The following MATCAP2 variants were observed in gnomAD, a reference collection of about 807,000 sequenced individuals.
The protein encoded by MATCAP2 is putative tyrosine carboxypeptidase MATCAP2.
the MATCAP2 span, chr7:36,334,105 C>A: frequency 1.2e-6 from 2 of 1,614,098 alleles, no homozygotes; most frequent in Non-Finnish European, 1.7e-6. Flanking sequence ...TTTTTACGTC[C>A]AGTCCAACTG....
At chr7:36,384,503 G>T in the MATCAP2 span, among the ~76,000 whole-genome samples, 1 of 152,182 alleles carries the variant, frequency 6.6e-6, no homozygotes, top group East Asian at 1.9e-4. Flanking sequence ...GTGCCAGAAG[G>T]TGCTGGGTTA....
At chr7:36,360,205 C>T in the MATCAP2 span, among the ~76,000 whole-genome samples, 11 of 152,102 alleles carry the variant, frequency 7.2e-5, no homozygotes, top group African/African-American at 2.4e-4. Flanking sequence ...AGTAGCTTTA[C>T]GACCAAAGAA....
the MATCAP2 span, chr7:36,366,846 C>T: frequency 1.3e-6 from 2 of 1,508,564 alleles, no homozygotes; most frequent in Non-Finnish European, 8.8e-7. Flanking sequence ...CTACCATTAC[C>T]TGAGCCCCGG....
the MATCAP2 span, chr7:36,324,610 A>G: frequency 6.6e-6 from 1 of 152,214 alleles, no homozygotes; most frequent in Admixed American, 6.5e-5. Context: ...CCTTACTGCT[A>G]TTCCTGGAAA....
At chr7:36,384,097 A>G in the MATCAP2 span, among the ~76,000 whole-genome samples, 1 of 152,140 alleles carries the variant, frequency 6.6e-6, no homozygotes, top group African/African-American at 2.4e-5. Flanking sequence ...CTGTAAATAT[A>G]CAGCATTTGG....
chr7:36,332,494 A>G, the MATCAP2 span, among the ~76,000 whole-genome samples: 2 of 152,146 alleles, frequency 1.3e-5, no homozygotes, highest in African/African-American at 4.8e-5. Context: ...CCTGCTTCCT[A>G]TCTTCCCTGC....
At chr7:36,357,553 CT>C in the MATCAP2 span, 1 of 1,613,498 alleles carries the variant, frequency 6.2e-7, no homozygotes. Flanking sequence ...TTAGAATAGA[CT>C]TCTTAGCAAG....
At chr7:36,371,052 G>A in the MATCAP2 span, among the ~76,000 whole-genome samples, 1 of 152,198 alleles carries the variant, frequency 6.6e-6, no homozygotes, top group African/African-American at 2.4e-5. Context: ...TAGAAATATT[G>A]TTATTTTATT....
chr7:36,334,577 A>G, the MATCAP2 span, among the ~76,000 whole-genome samples: 20 of 150,558 alleles, frequency 1.3e-4, no homozygotes, highest in African/African-American at 4.6e-4. Context: ...TCTAAAGCCA[A>G]ATTGATGTGT....
At chr7:36,387,316 A>C in the MATCAP2 span, among the ~76,000 whole-genome samples, 3 of 152,152 alleles carry the variant, frequency 2.0e-5, no homozygotes, top group African/African-American at 7.2e-5. Flanking sequence ...CACACAGGAG[A>C]CTTCAATTAC....
At chr7:36,336,371 T>C in the MATCAP2 span, 6 of 1,138,220 alleles carry the variant, frequency 5.3e-6, no homozygotes, top group African/African-American at 6.2e-5. Flanking sequence ...AGCTATGTTA[T>C]TTATTGTGAC....
chr7:36,356,837 A>C, the MATCAP2 span: 1 of 1,308,246 alleles, frequency 7.6e-7, no homozygotes, highest in Non-Finnish European at 1.1e-6. Context: ...GTTTTTGCTT[A>C]TAAGATCACA....
chr7:36,333,942 T>C, the MATCAP2 span: 11 of 1,614,116 alleles, frequency 6.8e-6, no homozygotes, highest in South Asian at 1.2e-4. Flanking sequence ...CCTGCCAATA[T>C]CTTTAAAGAG....
chr7:36,377,079 T>G, the MATCAP2 span, among the ~76,000 whole-genome samples: 1 of 152,212 alleles, frequency 6.6e-6, no homozygotes, highest in Non-Finnish European at 1.5e-5. Flanking sequence ...GTCTTTTAAT[T>G]GGGGCATTTA....
At chr7:36,352,807 AGAGT>A in the MATCAP2 span, among the ~76,000 whole-genome samples, 4 of 151,170 alleles carry the variant, frequency 2.6e-5, no homozygotes, top group Non-Finnish European at 5.9e-5. Context: ...CCTGGGCAAC[AGAGT>A]GAGACTCCCA....
the MATCAP2 span, among the ~76,000 whole-genome samples, chr7:36,354,532 T>C: frequency 1.3e-5 from 2 of 152,346 alleles, no homozygotes; most frequent in African/African-American, 4.8e-5. Context: ...ATGGGGCTAG[T>C]TGGCCATCCT....
chr7:36,385,934 C>T, the MATCAP2 span, among the ~76,000 whole-genome samples: 2 of 152,086 alleles, frequency 1.3e-5, no homozygotes, highest in Admixed American at 1.3e-4. Flanking sequence ...TTGGGTGGAT[C>T]ACTTGTGGCC....
chr7:36,332,800 G>A, the MATCAP2 span, among the ~76,000 whole-genome samples: 1 of 152,186 alleles, frequency 6.6e-6, no homozygotes. Context: ...ATTGGTGCAT[G>A]CCTTCAGTCC....
At chr7:36,334,204 CTT>C in the MATCAP2 span, 1 of 1,490,478 alleles carries the variant, frequency 6.7e-7, no homozygotes, top group Non-Finnish European at 9.1e-7. Context: ...AAATGCCATT[CTT>C]GTTTTAATTC....
Sources: allele counts gnomAD v4.1 joint callset (sites outside exome capture counted in the v4.1 genomes callset), GRCh38; gene constraint gnomAD v4.1.1; transcripts MANE v1.5; gene names NCBI Gene and HGNC (gene_info 2026-07-23, HGNC 2026-07-21).